STRADA: variants seen among roughly 807,000 people sequenced by gnomAD.
STRADA encodes STE20 related adaptor alpha.
A neutral mutation model predicts 55.0 loss-of-function variants in STRADA; 26 were observed. The ratio of observed to expected loss-of-function variants is 0.47; its 90% CI spans 0.35 to 0.66. The LOEUF is 0.66. Among genes scored for constraint, STRADA ranks in the 30% least tolerant of loss-of-function variants. The pLI is 0.01. For synonymous variants in STRADA, 197 were observed against 210.9 expected (o/e 0.93, Z 0.57); for missense variants, 443 against 549.7 (o/e 0.81, Z 1.94).
At chr17:63,704,075 A>G (rs1417633964) in intron 11 of STRADA, 28 bp from the exon 12 acceptor site, 3 of 1,609,958 alleles carry the variant, frequency 1.9e-6, no homozygotes, top group Non-Finnish European at 2.5e-6. Context: ...GAGAGACCGC[A>G]GCATCACTGC....
chr17:63,710,870 A>G, intron 6 of STRADA, 34 bp from the exon 7 acceptor site: 1 of 1,589,628 alleles, frequency 6.3e-7, no homozygotes, highest in Non-Finnish European at 8.6e-7. Flanking sequence ...GTCAGAACCA[A>G]ATGGCACTGA....
At position 63,714,076 on chromosome 17, in the gene STRADA, G is replaced by T. The variant is rs368885273; in HGVS notation, c.156C>A (p.Ser52=). The stretch of plus-strand genomic sequence containing the variant: ...TACTCATGACCTCCTGTTTAGAGAA[G>T]GATGCTATTGACTCTGAGCTCGCAT... ...TNDASSESIA[S]FSKQEVMSSF... Residue 52 remains serine (S), a synonymous_variant, in exon 5 of 13, where the codon TCC becomes TCA. Transcript: ENST00000336174. The T allele has an allele frequency of 1.2e-6, 2 of 1,613,876 alleles. No individual in the cohort carries two copies. The highest frequency in any genetic ancestry group is 1.6e-4 in the Middle Eastern group (1 of 6,062).
chr17:63,718,012 T>C (rs1390734487), intron 4 of STRADA, among the ~76,000 whole-genome samples: 1 of 152,168 alleles, frequency 6.6e-6, no homozygotes. Flanking sequence ...GATGGCTCAC[T>C]GCAACCTCAA....
chr17:63,709,435 T>G (rs1489675623), intron 8 of STRADA, among the ~76,000 whole-genome samples: 1 of 152,226 alleles, frequency 6.6e-6, no homozygotes, highest in Non-Finnish European at 1.5e-5. Flanking sequence ...TTTTCTTGCT[T>G]TGCTGTCCAT....
chr17:63,739,476 C>T (rs928306941), intron 1 of STRADA, among the ~76,000 whole-genome samples: 3 of 151,978 alleles, frequency 2.0e-5, no homozygotes, highest in African/African-American at 7.3e-5. Context: ...ACACCATGCC[C>T]GGTTATCTGT....
At chr17:63,732,353 T>C (rs2038126670) in intron 1 of STRADA, among the ~76,000 whole-genome samples, 1 of 152,128 alleles carries the variant, frequency 6.6e-6, no homozygotes, top group South Asian at 2.1e-4. Flanking sequence ...AGGGTCTTGC[T>C]CTGTCACCTA....
chr17:63,740,137 T>G (rs1344756357), intron 1 of STRADA, among the ~76,000 whole-genome samples: 1 of 60,882 alleles, frequency 1.6e-5, no homozygotes, highest in African/African-American at 8.7e-5. Flanking sequence ...TACACATACA[T>G]ATATATATAT....
At position 63,726,690 on chromosome 17, in the gene STRADA, C is replaced by T. The variant is rs990757419; in HGVS notation, c.42G>A (p.Trp14Ter). 1 of 1,614,012 alleles carries T rather than the reference C, an allele frequency of 6.2e-7. No individual in the cohort carries two copies. The highest frequency in any genetic ancestry group is 8.5e-7 in the Non-Finnish European group (1 of 1,179,952). ...LVSKPERIRRWVSEKFIVEGL... is the reference protein window; with the variant it reads ...LVSKPERIRR ...CCTCAACAATGAACTTTTCCGAGAC[C>T]CACCGCTAAAGAGGAAAACCCCAAA... The change falls in exon 3 of 13, where the codon TGG becomes TGA. Residue 14 changes from tryptophan to a stop codon, truncating the protein, a stop_gained. Coordinates refer to ENST00000336174, the MANE Select transcript of STRADA (RefSeq NM_001003787.4). LOFTEE classifies it high-confidence loss of function.
At chr17:63,730,397 CTTTT>C (rs551513709) in intron 1 of STRADA, among the ~76,000 whole-genome samples, 11 of 139,902 alleles carry the variant, frequency 7.9e-5, no homozygotes, top group African/African-American at 2.1e-4. Context: ...ACTTAGTTGA[CTTTT>C]TTTTTTTTTT....
intron 1 of STRADA, 146 bp downstream of exon 1, chr17:63,741,594 CG>C (rs1429743093): frequency 3.9e-5 from 6 of 152,484 alleles, no homozygotes; most frequent in Non-Finnish European, 8.8e-5. Context: ...GAGTCGAGGA[CG>C]CGGGTTAAAA....
chr17:63,716,101 T>G lies in STRADA; in HGVS notation c.124-1993A>C, dbSNP rs566922785. Among the ~76,000 whole-genome samples, 245 of 151,714 alleles carry G rather than the reference T, an allele frequency of 1.6e-3. 1 individual carries two copies. Among genetic ancestry groups the G allele is most frequent in the Middle Eastern group, 3.4e-3 (1 of 292 alleles). On this transcript the variant is annotated intron_variant, in intron 4 of 12. Transcript: ENST00000336174. ...CCCACCAGCAACGTACGTGGTTTTTTTTTTTTTTTTTTTTAGACGGAGTCT... is the reference window on the plus strand; with the variant it reads ...CCCACCAGCAACGTACGTGGTTTTTGTTTTTTTTTTTTTTAGACGGAGTCT...
At chr17:63,720,445 T>C (rs2037218331) in intron 4 of STRADA, among the ~76,000 whole-genome samples, 1 of 152,050 alleles carries the variant, frequency 6.6e-6, no homozygotes, top group Non-Finnish European at 1.5e-5. Context: ...GTGCTGGGTT[T>C]ACAGGTGTGA....
chr17:63,713,634 A>G, intron 5 of STRADA, 107 bp from the exon 6 acceptor site: 2 of 1,422,198 alleles, frequency 1.4e-6, no homozygotes, highest in Non-Finnish European at 1.9e-6. Flanking sequence ...TTAATGTTAA[A>G]TTTTTCACTA....
At chr17:63,705,060 G>T (rs1337099492) in intron 10 of STRADA, 3 of 772,260 alleles carry the variant, frequency 3.9e-6, no homozygotes, top group Non-Finnish European at 6.5e-6. Context: ...ATGCCCAAGG[G>T]GAGGCCAGGC....
At position 63,707,424 on chromosome 17, in the gene STRADA, G is replaced by A. The variant is rs369276577; in HGVS notation, c.582-6C>T. ...TGTGGCTGGCTTTGACACTCCTGGG[G>A]AAGCGGGGAGGGTGTCATGTCGAGA... On this transcript the variant is annotated splice_polypyrimidine_tract_variant and splice_region_variant and intron_variant, in intron 8 of 12. Transcript: ENST00000336174. 193 of 1,611,772 alleles carry A rather than the reference G, an allele frequency of 1.2e-4. No homozygotes were observed. The highest frequency in any genetic ancestry group is 1.6e-4 in the Non-Finnish European group (185 of 1,178,030).
At chr17:63,730,595 T>C (rs567101032) in intron 1 of STRADA, among the ~76,000 whole-genome samples, 1 of 152,016 alleles carries the variant, frequency 6.6e-6, no homozygotes, top group East Asian at 1.9e-4. Context: ...TTTGCATTGT[T>C]GCCCAGGCTG....
chr17:63,728,551 A>C lies in STRADA; in HGVS notation c.-44-138T>G, dbSNP rs2037805751. The C allele has an allele frequency of 7.6e-6, 4 of 527,368 alleles. No homozygotes were observed. The South Asian group carries it at 1.1e-4, about 14-fold the overall frequency. 32.7% of individuals were successfully genotyped at this position (527,368 alleles called of 1,614,324 possible). A position where few individuals can be genotyped will look rare whatever the true frequency, so the allele number is the denominator to read the frequency against. On this transcript the variant is annotated intron_variant, in intron 1 of 12. Coordinates refer to ENST00000336174, the MANE Select transcript of STRADA (RefSeq NM_001003787.4). ...TATAAATTGCTAGATTTGTTTAGAG[A>C]AACTTTAAGTGATGATAAATCTGAA...
rs950006792 is a variant in STRADA at position 63,703,181 on chromosome 17, T to C, written c.*418A>G. The C allele has an allele frequency of 1.2e-5, 2 of 173,382 alleles. No individual in the cohort carries two copies. Among genetic ancestry groups the C allele is most frequent in the Non-Finnish European group, 2.5e-5 (2 of 79,686 alleles). The allele number at this position is 173,382 out of a possible 1,614,324, so 10.7% of individuals were successfully genotyped here. A position where few individuals can be genotyped will look rare whatever the true frequency, so the allele number is the denominator to read the frequency against. On this transcript the variant is annotated 3_prime_UTR_variant, in exon 13 of 13. Transcript: ENST00000336174. ...TACTACTTGCCCTTTCACTGACCTA[T>C]AGCATCTGAGGCATCTGAGAGCAAA...
intron 1 of STRADA, among the ~76,000 whole-genome samples, chr17:63,740,493 C>T (rs2038862771): frequency 1.3e-5 from 2 of 151,634 alleles, no homozygotes; most frequent in Admixed American, 1.3e-4. Flanking sequence ...GCCTGGGGGA[C>T]GAGGGCGAAA....
Sources: gnomAD v4.1 joint callset for allele counts (sites outside exome capture counted in the v4.1 genomes callset) on GRCh38, gnomAD v4.1.1 for gene constraint, MANE v1.5 for transcripts, NCBI Gene and HGNC (gene_info 2026-07-23, HGNC 2026-07-21) for gene names.